MRLN: variants seen among roughly 807,000 people sequenced by gnomAD.
MRLN encodes Linc-RNA activator of myogenesis.
chr10:59,742,072 C>A (rs554416175), intron 1 of MRLN, among the ~76,000 whole-genome samples: 1 of 152,164 alleles, frequency 6.6e-6, no homozygotes, highest in Non-Finnish European at 1.5e-5. Context: ...CTACTTATAA[C>A]CACCCATTAC....
chr10:59,739,727 C>T (rs761744065), intron 1 of MRLN: 2 of 152,202 alleles, frequency 1.3e-5, no homozygotes, highest in Non-Finnish European at 2.9e-5. Flanking sequence ...ATTGCTGTCT[C>T]CTTTAACCAT....
intron 1 of MRLN, among the ~76,000 whole-genome samples, chr10:59,741,049 C>T (rs1405533552): frequency 6.6e-6 from 1 of 152,190 alleles, no homozygotes; most frequent in Non-Finnish European, 1.5e-5. Flanking sequence ...CCGTCTGCTT[C>T]AGCCTCCCAA....
chr10:59,743,251 T>C (rs1368253437), intron 1 of MRLN, among the ~76,000 whole-genome samples: 1 of 146,712 alleles, frequency 6.8e-6, no homozygotes, highest in South Asian at 2.3e-4. Flanking sequence ...TCACATTCAT[T>C]CATTTAAAAG....
At chr10:59,739,678 G>A (rs1840960919) in intron 1 of MRLN, 1 of 152,210 alleles carries the variant, frequency 6.6e-6, no homozygotes, top group South Asian at 2.1e-4. Context: ...ATTAGAAAAT[G>A]GAGTGAATTT....
At chr10:59,745,290 A>G (rs1841032144) in intron 1 of MRLN, among the ~76,000 whole-genome samples, 1 of 152,322 alleles carries the variant, frequency 6.6e-6, no homozygotes, top group Admixed American at 6.5e-5. Flanking sequence ...CACAAATTTT[A>G]AACAAGTTAG....
intron 1 of MRLN, among the ~76,000 whole-genome samples, chr10:59,751,999 C>T (rs547010073): frequency 5.9e-5 from 9 of 152,204 alleles, no homozygotes; most frequent in Admixed American, 4.6e-4. Context: ...TGTTAGAATG[C>T]TGATTATAAT....
intron 2 of MRLN, chr10:59,738,134 T>C (rs1390381367): frequency 6.6e-6 from 1 of 152,182 alleles, no homozygotes; most frequent in Non-Finnish European, 1.5e-5. Flanking sequence ...CTGTAATAAA[T>C]TGCTCCATTC....
At chr10:59,744,453 C>T (rs1461245882) in intron 1 of MRLN, among the ~76,000 whole-genome samples, 2 of 150,678 alleles carry the variant, frequency 1.3e-5, no homozygotes, top group Non-Finnish European at 3.0e-5. Context: ...AGGCGGGGAG[C>T]AGCCGCGCCC....
intron 1 of MRLN, among the ~76,000 whole-genome samples, chr10:59,747,983 C>G (rs988020470): frequency 2.0e-5 from 3 of 152,138 alleles, no homozygotes; most frequent in African/African-American, 7.2e-5. Context: ...AACTTGTCTC[C>G]CTATGGAGAA....
chr10:59,741,707 G>A (rs1204214440), intron 1 of MRLN, among the ~76,000 whole-genome samples: 2 of 152,128 alleles, frequency 1.3e-5, no homozygotes, highest in Non-Finnish European at 2.9e-5. Flanking sequence ...TGAAACAGGA[G>A]CTTGCTCTGT....
chr10:59,739,965 G>A (rs916741157), intron 1 of MRLN, among the ~76,000 whole-genome samples: 1 of 151,988 alleles, frequency 6.6e-6, no homozygotes, highest in African/African-American at 2.4e-5. Flanking sequence ...GGTGGCAGGC[G>A]CCTGTAATCC....
At chr10:59,743,137 A>C (rs1449519464) in intron 1 of MRLN, among the ~76,000 whole-genome samples, 1 of 152,182 alleles carries the variant, frequency 6.6e-6, no homozygotes, top group African/African-American at 2.4e-5. Flanking sequence ...ATAGTTGTGA[A>C]GTTTGGGTGG....
intron 1 of MRLN, among the ~76,000 whole-genome samples, chr10:59,745,493 C>G (rs1470188334): frequency 8.5e-6 from 1 of 117,356 alleles, no homozygotes; most frequent in African/African-American, 3.3e-5. Flanking sequence ...TTCCCCCCCC[C>G]ACCCCCCACC....
Position 59,747,775 on chromosome 10 carries a change from A to T in MRLN, c.-125+5579T>A, listed in dbSNP as rs547643201. Reference sequence around the variant, plus strand: ...TAGGGGACGGCCTTATTCATCCTGGATTCCAGTGCCTCACACTCTCCGACA... The same window carrying T: ...TAGGGGACGGCCTTATTCATCCTGGTTTCCAGTGCCTCACACTCTCCGACA... On this transcript the variant is annotated intron_variant, in intron 1 of 2. Transcript: ENST00000414264. Among the ~76,000 whole-genome samples the T allele has an allele frequency of 2.4e-4, 36 of 152,338 alleles. No individual in the cohort carries two copies. In the South Asian group the frequency reaches 3.9e-3, roughly 17 times the overall value.
At chr10:59,739,461 C>T (rs1840958218) in intron 1 of MRLN, 1 of 152,048 alleles carries the variant, frequency 6.6e-6, no homozygotes, top group Non-Finnish European at 1.5e-5. Flanking sequence ...ATACCTAATA[C>T]AATATAAGTG....
intron 1 of MRLN, chr10:59,738,770 G>A (rs1840949630): frequency 6.6e-6 from 1 of 152,308 alleles, no homozygotes; most frequent in Admixed American, 6.5e-5. Flanking sequence ...TGGACAGAAA[G>A]ATTAAGCTAA....
intron 1 of MRLN, among the ~76,000 whole-genome samples, chr10:59,741,937 C>A (rs943572481): frequency 1.3e-5 from 2 of 152,160 alleles, no homozygotes; most frequent in African/African-American, 4.8e-5. Flanking sequence ...AACAGGAGTG[C>A]GATTCTAGCT....
intron 1 of MRLN, among the ~76,000 whole-genome samples, chr10:59,744,538 C>T (rs375776629): frequency 0.012 from 1,791 of 151,104 alleles, 32 homozygotes; most frequent in East Asian, 0.047. Flanking sequence ...TGGGGGAGCG[C>T]GCCTCTGCCC....
At chr10:59,739,842 C>T (rs934371192) in intron 1 of MRLN, among the ~76,000 whole-genome samples, 1 of 152,122 alleles carries the variant, frequency 6.6e-6, no homozygotes, top group African/African-American at 2.4e-5. Flanking sequence ...GCCTGTAATC[C>T]CAGCACTTTG....
Sources: allele counts gnomAD v4.1 joint callset (sites outside exome capture counted in the v4.1 genomes callset), GRCh38; gene constraint gnomAD v4.1.1; transcripts MANE v1.5; gene names NCBI Gene and HGNC (gene_info 2026-07-23, HGNC 2026-07-21).